The following MYO7B variants were observed in gnomAD, a reference collection of about 807,000 sequenced individuals.
MYO7B encodes unconventional myosin-VIIb.
In MYO7B, 212 loss-of-function variants were observed where a neutral mutation model predicts 259.7. That is an observed-to-expected ratio of 0.82 (90% CI 0.73 to 0.91). The LOEUF (loss-of-function observed/expected upper bound fraction) is 0.91. Among genes scored for constraint, MYO7B ranks in the 40% least tolerant of loss-of-function variants. The pLI is 0.00. For synonymous variants in MYO7B, 1,197 were observed against 1,166.4 expected (o/e 1.03, Z -0.54); for missense variants, 2,732 against 2,813.5 (o/e 0.97, Z 0.66).
At chr2:127,543,713 C>CCT (rs995851303) in intron 1 of MYO7B, among the ~76,000 whole-genome samples, 2 of 150,252 alleles carry the variant, frequency 1.3e-5, no homozygotes, top group East Asian at 2.0e-4. Flanking sequence ...ATATATATAT[C>CCT]CTCTCTCTCT....
intron 1 of MYO7B, among the ~76,000 whole-genome samples, chr2:127,550,869 A>AG (rs35577679): frequency 0.85 from 128,621 of 152,028 alleles, 54,871 homozygotes; most frequent in East Asian, 1. Context: ...TGAAGATGTG[A>AG]GGGAGGATAA....
chr2:127,637,021 CAG>C (rs1343193762), intron 47 of MYO7B, 108 bp downstream of exon 47: 1 of 1,523,948 alleles, frequency 6.6e-7, no homozygotes, highest in Non-Finnish European at 8.8e-7. Context: ...GGCTCAGTCA[CAG>C]GGCCCAGGCG....
chr2:127,628,368 C>T lies in MYO7B; in HGVS notation c.4461-4C>T, dbSNP rs761348303. ...CTCCTGGTCACGCTGTCCTTCATCTCCAGGGAGGCCCAGGGCGGGCAGAGG... is the reference window on the plus strand; with the variant it reads ...CTCCTGGTCACGCTGTCCTTCATCTTCAGGGAGGCCCAGGGCGGGCAGAGG... On this transcript the variant is annotated splice_polypyrimidine_tract_variant and splice_region_variant and intron_variant, in intron 33 of 47. Transcript: ENST00000409816. The surrounding 1 kb of genome is among the most constrained non-coding windows in gnomAD (Gnocchi z 4.8). 3.7e-5 allele frequency: 59 copies of T among 1,597,240 alleles called. No individual in the cohort carries two copies. Among genetic ancestry groups the T allele is most frequent in the Non-Finnish European group, 4.7e-5 (55 of 1,174,440 alleles).
In MYO7B at chr2:127,584,071, G is replaced by A. The variant is rs1220596494; in HGVS notation, c.1344-51G>A. 3.9e-6 allele frequency: 6 copies of A among 1,534,740 alleles called. No individual in the cohort carries two copies. The highest frequency in any genetic ancestry group is 5.3e-6 in the Non-Finnish European group (6 of 1,123,832). The stretch of plus-strand genomic sequence containing the variant: ...CCTATGGCTCCAGCCTGCTGCAGCG[G>A]GGACTCAGCTGGCCCCACTCCACCC... On this transcript the variant is annotated intron_variant, in intron 12 of 47. Transcript: ENST00000409816. This position sits in a 1 kb window ranked among gnomAD's most constrained non-coding sequence, Gnocchi z 5.8.
At position 127,625,442 on chromosome 2, in the gene MYO7B, C is replaced by G; in HGVS notation, c.4122C>G (p.Val1374=). The change falls in exon 31 of 48, where the codon GTC becomes GTG. Residue 1374 remains valine, a synonymous_variant. Coordinates refer to ENST00000409816, the MANE Select transcript of MYO7B (RefSeq NM_001393586.1). ...GCGCCTCAGCAGAGAGCAAGGCTGT[C>G]CAGGAGCTGCTGCCCAGCTGCATCC... ...QLGASAESKA[V]QELLPSCIPH... 1 of 1,611,724 alleles carries G rather than the reference C, an allele frequency of 6.2e-7. No homozygotes were observed. The highest frequency in any genetic ancestry group is 8.5e-7 in the Non-Finnish European group (1 of 1,179,424).
chr2:127,631,617 G>A lies in MYO7B; in HGVS notation c.5113G>A (p.Gly1705Ser). The change falls in exon 38 of 48, where the codon GGC becomes AGC. Residue 1705 changes from glycine to serine, a missense_variant. Around this residue, in one of 3 missense-constraint regions of MYO7B, gnomAD observed 821 missense variants for 769.3 expected, o/e 1.07. Transcript: ENST00000409816. ...QIFVAILRYM[G>S]DYPSRQAWPT... ...AGCCACACCCATCCTCCGGTACATG[G>A]GCGACTACCCTTCTCGGCAGGCCTG... 6.2e-7 allele frequency: 1 copy of A among 1,613,162 alleles called. No homozygotes were observed. The highest frequency in any genetic ancestry group is 8.5e-7 in the Non-Finnish European group (1 of 1,179,834).
Position 127,635,879 on chromosome 2 carries a change from G to T in MYO7B, c.5978G>T (p.Arg1993Leu). ...GAACTGGTGCCTGAGAACCTCACAC[G>T]CCTGATGTCCTCGGAGGAGTGGAAA... The part of the protein sequence containing the change: ...LRELVPENLT[R>L]LMSSEEWKKS... The change falls in exon 44 of 48, where the codon CGC becomes CTC. Residue 1993 changes from arginine to leucine, a missense_variant. Physicochemically the swap from Arg to Leu is moderately radical, Grantham distance 102. Transcript: ENST00000409816. The T allele has an allele frequency of 6.3e-7, 1 of 1,580,448 alleles. No individual in the cohort carries two copies. The highest frequency in any genetic ancestry group is 2.3e-5 in the East Asian group (1 of 42,724).
At position 127,627,747 on chromosome 2, in the gene MYO7B, A is replaced by T. The variant is rs1681222706; in HGVS notation, c.4460+437A>T. ...TGGGGGTCCTCTTAGGCTGGGGCTG[A>T]CCCCCACTCCCATGGGTCTCCATGG... On this transcript the variant is annotated intron_variant, in intron 33 of 47. Coordinates refer to ENST00000409816, the MANE Select transcript of MYO7B (RefSeq NM_001393586.1). The surrounding 1 kb of genome is among the most constrained non-coding windows in gnomAD (Gnocchi z 5.6). The T allele has an allele frequency of 4.4e-6, 2 of 458,138 alleles. No homozygotes were observed. Among genetic ancestry groups the T allele is most frequent in the Non-Finnish European group, 8.8e-6 (2 of 228,480 alleles). 28.4% of individuals were successfully genotyped at this position (458,138 alleles called of 1,614,324 possible). A position where few individuals can be genotyped will look rare whatever the true frequency, so the allele number is the denominator to read the frequency against.
At chr2:127,560,260 A>G (rs1377069770) in intron 2 of MYO7B, among the ~76,000 whole-genome samples, 1 of 152,084 alleles carries the variant, frequency 6.6e-6, no homozygotes, top group African/African-American at 2.4e-5. Flanking sequence ...TCCTGAGCTC[A>G]AAGCAATCCA....
At chr2:127,568,202 C>A (rs1678435496) in intron 5 of MYO7B, among the ~76,000 whole-genome samples, 1 of 152,220 alleles carries the variant, frequency 6.6e-6, no homozygotes, top group African/African-American at 2.4e-5. Context: ...CAACCTGCCC[C>A]CAGAGGCAGG....
rs1679282327 is a variant in MYO7B at position 127,585,813 on chromosome 2, C to A, written c.1690+900C>A. Among the ~76,000 whole-genome samples the A allele has an allele frequency of 6.6e-6, 1 of 152,166 alleles. No individual in the cohort carries two copies. Among genetic ancestry groups the A allele is most frequent in the Non-Finnish European group, 1.5e-5 (1 of 68,032 alleles). On this transcript the variant is annotated intron_variant, in intron 14 of 47. Coordinates refer to ENST00000409816, the MANE Select transcript of MYO7B (RefSeq NM_001393586.1). The surrounding 1 kb of genome is among the most constrained non-coding windows in gnomAD (Gnocchi z 4.3). Reference sequence around the variant, plus strand: ...CTCAATGTGATTTGCATCTGCATCCCCCGATGGCTAATGATGTTGATCGCC... The same window carrying A: ...CTCAATGTGATTTGCATCTGCATCCACCGATGGCTAATGATGTTGATCGCC...
rs1341473896 is a variant in MYO7B at position 127,539,846 on chromosome 2, G to A, written c.-24+4015G>A. The stretch of plus-strand genomic sequence containing the variant: ...GCTCACCCAGCTCCAGCCTTCCCCC[G>A]AAAGTCCCCAAAGTCCATTGTATCG... On this transcript the variant is annotated intron_variant, in intron 1 of 47. Transcript: ENST00000409816. This position sits in a 1 kb window ranked among gnomAD's most constrained non-coding sequence, Gnocchi z 4.0. Among the ~76,000 whole-genome samples the A allele has an allele frequency of 3.9e-5, 6 of 152,106 alleles. No individual in the cohort carries two copies. The East Asian group carries it at 5.8e-4, about 15-fold the overall frequency.
rs775399725 is a variant in MYO7B at position 127,620,480 on chromosome 2, T to A, written c.3525+14T>A. 1 of 1,487,504 alleles carries A rather than the reference T, an allele frequency of 6.7e-7. No homozygotes were observed. Among genetic ancestry groups the A allele is most frequent in the Non-Finnish European group, 9.1e-7 (1 of 1,104,610 alleles). 92.1% of individuals were successfully genotyped at this position (1,487,504 alleles called of 1,614,324 possible). A position where few individuals can be genotyped will look rare whatever the true frequency, so the allele number is the denominator to read the frequency against. On this transcript the variant is annotated intron_variant, in intron 27 of 47. Coordinates refer to ENST00000409816, the MANE Select transcript of MYO7B (RefSeq NM_001393586.1). ...AGGTTCATGAAGGTGAGAGGGTTCA[T>A]GAAGGGAGGGCGGGCAGGGGGCAGG...
At chr2:127,621,275 T>TG in intron 27 of MYO7B, among the ~76,000 whole-genome samples, 1 of 150,920 alleles carries the variant, frequency 6.6e-6, no homozygotes, top group Non-Finnish European at 1.5e-5. Context: ...GTTTTTTTTT[T>TG]TTTTTTGAGA....
chr2:127,607,385 C>T lies in MYO7B; in HGVS notation c.2604C>T (p.Gly868=), dbSNP rs1680197873. Residue 868 remains glycine, a synonymous_variant, in exon 21 of 48, where the codon GGC becomes GGT. Coordinates refer to ENST00000409816, the MANE Select transcript of MYO7B (RefSeq NM_001393586.1). This position sits in a 1 kb window ranked among gnomAD's most constrained non-coding sequence, Gnocchi z 4.4. ...TGGTCATTCAGGCCCATGCCAGGGG[C>T]ATGGCTGCCCGGCGCAACTTCCAGC... ...AVVVIQAHAR[G]MAARRNFQQR... is the part of the protein sequence containing the mutation. The T allele has an allele frequency of 2.6e-6, 4 of 1,551,324 alleles. No individual in the cohort carries two copies. The highest frequency in any genetic ancestry group is 2.6e-6 in the Non-Finnish European group (3 of 1,146,862).
chr2:127,592,888 C>A lies in MYO7B; in HGVS notation c.2087C>A (p.Thr696Lys). ...AAGTCGGGCTTCCCCATCCGCTACA[C>A]GTTCGAGGAGTTCTCGCAGAGGTTC... ...IRKSGFPIRY[T>K]FEEFSQRFGV... The change falls in exon 17 of 48, where the codon ACG becomes AAG. Residue 696 changes from threonine to lysine, a missense_variant. Physicochemically the swap from Thr to Lys is moderately conservative, Grantham distance 78. Coordinates refer to ENST00000409816, the MANE Select transcript of MYO7B (RefSeq NM_001393586.1). 4 of 1,609,094 alleles carry A rather than the reference C, an allele frequency of 2.5e-6. No homozygotes were observed. The highest frequency in any genetic ancestry group is 3.4e-6 in the Non-Finnish European group (4 of 1,178,226).
At chr2:127,563,106 C>G (rs1573624378) in intron 2 of MYO7B, among the ~76,000 whole-genome samples, 1 of 152,106 alleles carries the variant, frequency 6.6e-6, no homozygotes, top group African/African-American at 2.4e-5. Context: ...CATCCTTTTT[C>G]TCAGTTGTCC....
rs777116290 is a variant in MYO7B, at chr2:127,624,112, G to A, written c.3839G>A (p.Gly1280Glu). 1.3e-6 allele frequency: 2 copies of A among 1,575,604 alleles called. No homozygotes were observed. The highest frequency in any genetic ancestry group is 1.7e-6 in the Non-Finnish European group (2 of 1,161,688). The change falls in exon 30 of 48, where the codon GGG becomes GAG. Residue 1280 changes from glycine (G) to glutamate (E), a missense_variant. Physicochemically the swap from Gly to Glu is moderately conservative, Grantham distance 98. Around this residue, in one of 3 missense-constraint regions of MYO7B, gnomAD observed 1,906 missense variants for 2,026.4 expected, o/e 0.94. Coordinates refer to ENST00000409816, the MANE Select transcript of MYO7B (RefSeq NM_001393586.1). ...CCTCAGTTCTGGTCCCTGGGCAGCG[G>A]GCGCGACCACATGATGGATGCCATC... ...VYDKFWSLGSGRDHMMDAIAR... is the reference protein window; with the variant it reads ...VYDKFWSLGSERDHMMDAIAR...
rs201563237 is a variant in MYO7B at position 127,632,288 on chromosome 2, G to A, written c.5292G>A (p.Thr1764=). The A allele has an allele frequency of 5.1e-5, 82 of 1,611,696 alleles. No homozygotes were observed. Among genetic ancestry groups the A allele is most frequent in the South Asian group, 3.6e-4 (33 of 91,014 alleles). The change falls in exon 39 of 48, where the codon ACG becomes ACA. Residue 1764 remains threonine, a synonymous_variant. Coordinates refer to ENST00000409816, the MANE Select transcript of MYO7B (RefSeq NM_001393586.1). ...ERGWQLLWLC[T]GLFPPSKGLL... Reference sequence around the variant, plus strand: ...GCTGGCAGCTGCTGTGGCTGTGCACGGGCCTCTTCCCGCCCAGCAAGGGGC... The same window carrying A: ...GCTGGCAGCTGCTGTGGCTGTGCACAGGCCTCTTCCCGCCCAGCAAGGGGC...
Sources: gnomAD v4.1 joint callset for allele counts (sites outside exome capture counted in the v4.1 genomes callset) on GRCh38, gnomAD v4.1.1 for gene constraint, gnomAD v4.1.1 regional missense constraint, Gnocchi (gnomAD v3.1) non-coding constraint, MANE v1.5 for transcripts, NCBI Gene and HGNC (gene_info 2026-07-23, HGNC 2026-07-21) for gene names.